The following EIF2AK2 variants were observed in gnomAD, a reference collection of about 807,000 sequenced individuals.
The protein encoded by EIF2AK2 is interferon-induced, double-stranded RNA-activated protein kinase.
In EIF2AK2, 40 loss-of-function variants were observed where a neutral mutation model predicts 70.5. That is an observed-to-expected ratio of 0.57 (90% CI 0.44 to 0.74). The LOEUF (loss-of-function observed/expected upper bound fraction) is 0.74. Among genes scored for constraint, EIF2AK2 ranks in the 30% least tolerant of loss-of-function variants. The probability of loss-of-function intolerance (pLI) is 0.00; values close to 1 mark genes in which losing one functional copy is unlikely to be tolerated. For missense variants in EIF2AK2, 555 were observed against 644.3 expected (o/e 0.86, Z 1.50); for synonymous variants, 198 against 220.9 (o/e 0.90, Z 0.92).
intron 1 of EIF2AK2, among the ~76,000 whole-genome samples, chr2:37,153,921 T>C (rs1477511929): frequency 1.3e-5 from 2 of 152,244 alleles, no homozygotes; most frequent in Non-Finnish European, 2.9e-5. Flanking sequence ...GTTACACCCA[T>C]GTTACATTTC....
chr2:37,133,689 G>C (rs142632297), intron 10 of EIF2AK2, among the ~76,000 whole-genome samples: 2 of 152,322 alleles, frequency 1.3e-5, no homozygotes, highest in East Asian at 3.9e-4. Context: ...TCACATGAAT[G>C]CCGGAGGAAA....
chr2:37,155,939 C>CAAAAAA (rs756767460), intron 1 of EIF2AK2, among the ~76,000 whole-genome samples: 45 of 110,812 alleles, frequency 4.1e-4, no homozygotes, highest in Non-Finnish European at 7.6e-4. Flanking sequence ...GAATCTGTCT[C>CAAAAAA]AAAAAAAAAA....
chr2:37,116,943 G>C (rs572440894), intron 13 of EIF2AK2, among the ~76,000 whole-genome samples: 117 of 152,312 alleles, frequency 7.7e-4, no homozygotes, highest in African/African-American at 2.8e-3. Flanking sequence ...AGGGCGTGGT[G>C]AGTCACACCT....
At chr2:37,109,467 A>G in intron 14 of EIF2AK2, 172 bp from the exon 15 acceptor site, 1 of 561,258 alleles carries the variant, frequency 1.8e-6, no homozygotes, top group Non-Finnish European at 3.2e-6. Flanking sequence ...ACCGCCGAAT[A>G]GCTGAATCCT....
At chr2:37,142,526 A>G (rs578059091) in intron 4 of EIF2AK2, among the ~76,000 whole-genome samples, 1 of 151,654 alleles carries the variant, frequency 6.6e-6, no homozygotes, top group South Asian at 2.1e-4. Flanking sequence ...AGTAATTTCA[A>G]CCATTGTTAT....
chr2:37,150,303 C>T (rs1262464171), intron 1 of EIF2AK2, among the ~76,000 whole-genome samples: 1 of 152,068 alleles, frequency 6.6e-6, no homozygotes, highest in African/African-American at 2.4e-5. Context: ...TACTCAGTAT[C>T]ATAAGTCACT....
chr2:37,138,820 G>A (rs540262013), intron 6 of EIF2AK2, among the ~76,000 whole-genome samples: 1 of 152,176 alleles, frequency 6.6e-6, no homozygotes, highest in East Asian at 1.9e-4. Context: ...TTTTCAGACA[G>A]GATCTGGCTC....
rs56051707 is a variant in EIF2AK2 at position 37,145,742 on chromosome 2, C to CTT, written c.240+1109_240+1110dup. Among the ~76,000 whole-genome samples, 7 of 51,224 alleles carry CTT rather than the reference C, an allele frequency of 1.4e-4. 1 individual carries two copies. The highest frequency in any genetic ancestry group is 4.8e-4 in the African/African-American group (6 of 12,388). 33.6% of individuals were successfully genotyped at this position (51,224 alleles called of 152,430 possible). A position where few individuals can be genotyped will look rare whatever the true frequency, so the allele number is the denominator to read the frequency against. On this transcript the variant is annotated intron_variant, in intron 4 of 16. Coordinates refer to ENST00000233057, the MANE Select transcript of EIF2AK2 (RefSeq NM_001135651.3). ...CTTATATGGGTGTACTTTTGCTTGT[C>CTT]TTTTTTTTTTTTTTTTTTTTTTTTT...
intron 10 of EIF2AK2, among the ~76,000 whole-genome samples, chr2:37,131,415 C>G (rs1422053001): frequency 2.6e-5 from 4 of 152,188 alleles, no homozygotes; most frequent in Middle Eastern, 3.2e-3. Flanking sequence ...TTAATTATCC[C>G]TGAGGCACAA....
chr2:37,144,623 G>T (rs1381358649), intron 4 of EIF2AK2, among the ~76,000 whole-genome samples: 15 of 148,934 alleles, frequency 1.0e-4, no homozygotes, highest in South Asian at 4.3e-4. Context: ...TTGCTCTGTT[G>T]CCCAGGCTGG....
At chr2:37,120,728 C>T (rs554708875) in intron 12 of EIF2AK2, among the ~76,000 whole-genome samples, 2 of 149,342 alleles carry the variant, frequency 1.3e-5, no homozygotes, top group Non-Finnish European at 3.0e-5. Context: ...CTTGGGAGGC[C>T]GAGACTGGCG....
At chr2:37,139,123 C>T (rs1313435066) in intron 6 of EIF2AK2, among the ~76,000 whole-genome samples, 1 of 151,906 alleles carries the variant, frequency 6.6e-6, no homozygotes, top group African/African-American at 2.4e-5. Context: ...CAAGACCAGC[C>T]TGGCCAACAT....
intron 13 of EIF2AK2, among the ~76,000 whole-genome samples, chr2:37,118,008 C>G (rs992669967): frequency 1.3e-5 from 2 of 152,096 alleles, no homozygotes; most frequent in African/African-American, 4.8e-5. Context: ...TGAAAGAAGT[C>G]TCAGTATCAA....
At chr2:37,130,846 G>A (rs546789748) in intron 10 of EIF2AK2, among the ~76,000 whole-genome samples, 1 of 152,232 alleles carries the variant, frequency 6.6e-6, no homozygotes, top group African/African-American at 2.4e-5. Context: ...CCCCTCTCTA[G>A]AACACTGTAT....
intron 13 of EIF2AK2, among the ~76,000 whole-genome samples, chr2:37,116,818 C>T (rs1317915645): frequency 6.6e-6 from 1 of 152,184 alleles, no homozygotes; most frequent in Non-Finnish European, 1.5e-5. Flanking sequence ...TATCACCTGA[C>T]TCTAAGAAAC....
chr2:37,149,629 A>C (rs1045091117), intron 1 of EIF2AK2, among the ~76,000 whole-genome samples: 2 of 152,180 alleles, frequency 1.3e-5, no homozygotes, highest in African/African-American at 4.8e-5. Context: ...GAAGGAAAGG[A>C]AACTGGTAAG....
At chr2:37,110,717 G>C (rs1333680584) in intron 14 of EIF2AK2, among the ~76,000 whole-genome samples, 1 of 152,014 alleles carries the variant, frequency 6.6e-6, no homozygotes, top group Non-Finnish European at 1.5e-5. Flanking sequence ...TCTTTAACGG[G>C]CATTTACAAA....
chr2:37,120,516 A>C (rs1674504531), intron 12 of EIF2AK2, among the ~76,000 whole-genome samples: 1 of 135,240 alleles, frequency 7.4e-6, no homozygotes. Context: ...CACAAAAAAA[A>C]AAAAAAAAAG....
At chr2:37,147,843 G>T in intron 2 of EIF2AK2, 21 bp from the exon 3 acceptor site, 1 of 1,487,300 alleles carries the variant, frequency 6.7e-7, no homozygotes, top group South Asian at 1.1e-5. Flanking sequence ...AGAGACATTT[G>T]AATGAGTGAT....
Sources: allele counts gnomAD v4.1 joint callset (sites outside exome capture counted in the v4.1 genomes callset), GRCh38; gene constraint gnomAD v4.1.1; transcripts MANE v1.5; gene names NCBI Gene and HGNC (gene_info 2026-07-23, HGNC 2026-07-21).